Variants in CRMP1 observed in about 807,000 individuals in gnomAD.
The protein encoded by CRMP1 is dihydropyrimidinase-related protein 1.
In CRMP1, 19 loss-of-function variants were observed where a neutral mutation model predicts 68.3. The ratio of observed to expected loss-of-function variants is 0.28; its 90% confidence interval spans 0.19 to 0.41. CRMP1 has a LOEUF of 0.41. Among genes scored for constraint, CRMP1 ranks in the 10% least tolerant of loss-of-function variants. CRMP1 has a pLI of 1.00. For missense variants in CRMP1, 791 were observed against 967.4 expected (o/e 0.82, Z 2.42); for synonymous variants, 439 against 399.6 (o/e 1.10, Z -1.18).
chr4:5,858,847 G>A lies in CRMP1; in HGVS notation c.655+2179C>T, dbSNP rs1713332637. Among the ~76,000 whole-genome samples, 1 of 152,106 alleles carries A rather than the reference G, an allele frequency of 6.6e-6. No individual in the cohort carries two copies. The highest frequency in any genetic ancestry group is 2.4e-5 in the African/African-American group (1 of 41,422). On this transcript the variant is annotated intron_variant, in intron 3 of 13. Coordinates refer to ENST00000324989, the MANE Select transcript of CRMP1 (RefSeq NM_001014809.3). The surrounding 1 kb of genome is among the most constrained non-coding windows in gnomAD (Gnocchi z 5.5). ...CAATCTCGACACCCCTGCACCGTGG[G>A]CCTCCCTGCAGTCTCTGGAATGGGA... is the stretch of plus-strand genomic sequence containing the variant.
rs534788668 is a variant in CRMP1, at chr4:5,841,210, G to A, written c.1153+98C>T. 6.3e-7 allele frequency: 1 copy of A among 1,588,694 alleles called. No individual in the cohort carries two copies. The highest frequency in any genetic ancestry group is 1.3e-5 in the African/African-American group (1 of 74,562). On this transcript the variant is annotated intron_variant, in intron 8 of 13. Transcript: ENST00000324989. The surrounding 1 kb of genome is among the most constrained non-coding windows in gnomAD (Gnocchi z 6.9). ...CCCCGCTCCACCCCTCCCTCCTCCG[G>A]CTGCCTGTCTGAGTTCGGGAGGGAG...
rs888401830 is a variant in CRMP1, at chr4:5,854,069, G to A, written c.820+2074C>T. ...CTACAAACTCCACTGCCACTCCAGA[G>A]ACCCTCCCATCTCAGTGAGGGGCGT... On this transcript the variant is annotated intron_variant, in intron 4 of 13. Coordinates refer to ENST00000324989, the MANE Select transcript of CRMP1 (RefSeq NM_001014809.3). This position sits in a 1 kb window ranked among gnomAD's most constrained non-coding sequence, Gnocchi z 4.0. 6.6e-6 allele frequency among the ~76,000 whole-genome samples: 1 copy of A among 152,178 alleles called. No individual in the cohort carries two copies. The highest frequency in any genetic ancestry group is 1.5e-5 in the Non-Finnish European group (1 of 68,032).
chr4:5,856,028 C>T, intron 4 of CRMP1, 115 bp downstream of exon 4: 10 of 1,236,596 alleles, frequency 8.1e-6, no homozygotes, highest in Non-Finnish European at 1.1e-5. Context: ...CAGAGTGCAG[C>T]TCATAATCAG....
At chr4:5,837,918 A>G (rs1720838147) in intron 9 of CRMP1, among the ~76,000 whole-genome samples, 1 of 152,126 alleles carries the variant, frequency 6.6e-6, no homozygotes, top group African/African-American at 2.4e-5. Context: ...TCAGAAAGAG[A>G]GAGCTTCTGC....
intron 3 of CRMP1, 145 bp from the exon 4 acceptor site, chr4:5,856,452 C>G: frequency 1.5e-6 from 1 of 646,310 alleles, no homozygotes; most frequent in Non-Finnish European, 2.5e-6. Context: ...TCACCATTAT[C>G]ACTATGACAG....
At chr4:5,862,316 AC>A (rs749443367) in intron 2 of CRMP1, among the ~76,000 whole-genome samples, 2 of 147,114 alleles carry the variant, frequency 1.4e-5, no homozygotes, top group Admixed American at 1.3e-4. Flanking sequence ...CCAATCCCTT[AC>A]CCCCAGAATG....
rs138204964 is a variant in CRMP1, at chr4:5,825,695, C to G, written c.1804-36G>C. On this transcript the variant is annotated intron_variant, in intron 12 of 13. Coordinates refer to ENST00000324989, the MANE Select transcript of CRMP1 (RefSeq NM_001014809.3). The surrounding 1 kb of genome is among the most constrained non-coding windows in gnomAD (Gnocchi z 4.4). ...GAAGGGAGAGTGTGATTGATCGACA[C>G]TGTGCATGTGTGCCCTTCTGGGCAG... 630 of 1,607,058 alleles carry G rather than the reference C, an allele frequency of 3.9e-4. 1 individual carries two copies. The African/African-American group carries it at 7.3e-3, about 19-fold the overall frequency.
chr4:5,842,377 C>T lies in CRMP1; in HGVS notation c.1032+716G>A, dbSNP rs894550502. On this transcript the variant is annotated intron_variant, in intron 7 of 13. Coordinates refer to ENST00000324989, the MANE Select transcript of CRMP1 (RefSeq NM_001014809.3). The surrounding 1 kb of genome is among the most constrained non-coding windows in gnomAD (Gnocchi z 4.5). Reference sequence around the variant, plus strand: ...CCAGGAAGCGGAGGCTGCAGTGAACCGAGATCATACCACTGCACTGTAGCC... The same window carrying T: ...CCAGGAAGCGGAGGCTGCAGTGAACTGAGATCATACCACTGCACTGTAGCC... Among the ~76,000 whole-genome samples, 2 of 148,328 alleles carry T rather than the reference C, an allele frequency of 1.3e-5. No individual in the cohort carries two copies. The highest frequency in any genetic ancestry group is 3.0e-5 in the Non-Finnish European group (2 of 67,450).
In CRMP1 at chr4:5,888,246, C is replaced by T. The variant is rs575945415; in HGVS notation, c.381+4343G>A. On this transcript the variant is annotated intron_variant, in intron 1 of 13. Coordinates refer to ENST00000324989, the MANE Select transcript of CRMP1 (RefSeq NM_001014809.3). This position sits in a 1 kb window ranked among gnomAD's most constrained non-coding sequence, Gnocchi z 6.4. ...CGCTTACCGTGATGTGCGGGATGCT[C>T]TTCTTGCCCTGGTACGACATGGCCC... 7.0e-6 allele frequency: 9 copies of T among 1,289,176 alleles called. No homozygotes were observed. In the South Asian group the frequency reaches 1.2e-4, roughly 18 times the overall value. The allele number at this position is 1,289,176 out of a possible 1,614,324, so 79.9% of individuals were successfully genotyped here.
chr4:5,883,351 G>A lies in CRMP1; in HGVS notation c.381+9238C>T, dbSNP rs573062971. ...GTCTCATTCTGTCGCCCAGGCTGAA[G>A]TGCAGTGGCATGATCTCAGCTCACT... On this transcript the variant is annotated intron_variant, in intron 1 of 13. Transcript: ENST00000324989. The surrounding 1 kb of genome is among the most constrained non-coding windows in gnomAD (Gnocchi z 4.5). 6.2e-4 allele frequency among the ~76,000 whole-genome samples: 93 copies of A among 150,358 alleles called. No individual in the cohort carries two copies. Among genetic ancestry groups the A allele is most frequent in the Non-Finnish European group, 1.0e-3 (68 of 67,706 alleles).
rs1340027376 is a variant in CRMP1, at chr4:5,890,480, C to T, written c.381+2109G>A. Among the ~76,000 whole-genome samples, 1 of 152,236 alleles carries T rather than the reference C, an allele frequency of 6.6e-6. No individual in the cohort carries two copies. Among genetic ancestry groups the T allele is most frequent in the African/African-American group, 2.4e-5 (1 of 41,470 alleles). On this transcript the variant is annotated intron_variant, in intron 1 of 13. Transcript: ENST00000324989. This position sits in a 1 kb window ranked among gnomAD's most constrained non-coding sequence, Gnocchi z 5.5. ...AAGCCCTGGAGCGGTGAGGCCCGCC[C>T]CGGAACCCGAGCCCACTGTAACCCA...
intron 1 of CRMP1, among the ~76,000 whole-genome samples, chr4:5,867,822 G>T (rs112120248): frequency 6.6e-6 from 1 of 150,944 alleles, no homozygotes; most frequent in African/African-American, 2.4e-5. Flanking sequence ...GTCTAAAAAA[G>T]AGTCTATTTA....
rs2152477812 is a variant in CRMP1 at position 5,890,118 on chromosome 4, A to G, written c.381+2471T>C. On this transcript the variant is annotated intron_variant, in intron 1 of 13. Transcript: ENST00000324989. This position sits in a 1 kb window ranked among gnomAD's most constrained non-coding sequence, Gnocchi z 5.5. ...CCCTGTCAATGACCGGAAATTGCAG[A>G]TGGGGACACTGTCCCTCCCCAACTC... 4.3e-6 allele frequency: 1 copy of G among 230,056 alleles called. No homozygotes were observed. The highest frequency in any genetic ancestry group is 8.3e-6 in the Non-Finnish European group (1 of 119,940). The allele number at this position is 230,056 out of a possible 1,614,324, so 14.3% of individuals were successfully genotyped here.
Position 5,845,016 on chromosome 4 carries a change from C to T in CRMP1, c.964-1855G>A, listed in dbSNP as rs538001317. On this transcript the variant is annotated intron_variant, in intron 6 of 13. Coordinates refer to ENST00000324989, the MANE Select transcript of CRMP1 (RefSeq NM_001014809.3). ...ATTCGTGCGGTGGAATTCTACACAC[C>T]GATGAAATAGAAAAAGCTAGTGCTA... Among the ~76,000 whole-genome samples, 31 of 152,268 alleles carry T rather than the reference C, an allele frequency of 2.0e-4. No individual in the cohort carries two copies. The Middle Eastern group carries it at 0.014, about 67-fold the overall frequency.
intron 11 of CRMP1, among the ~76,000 whole-genome samples, chr4:5,829,515 T>C (rs1720197641): frequency 6.6e-6 from 1 of 152,228 alleles, no homozygotes; most frequent in Non-Finnish European, 1.5e-5. Context: ...ACATACATGG[T>C]TGAAAACAAT....
chr4:5,885,954 TG>T (rs1273577304), intron 1 of CRMP1, among the ~76,000 whole-genome samples: 1 of 152,202 alleles, frequency 6.6e-6, no homozygotes, highest in African/African-American at 2.4e-5. Context: ...CTCACCCATT[TG>T]TTACATGGCA....
chr4:5,862,653 C>A (rs1378166222), intron 2 of CRMP1, among the ~76,000 whole-genome samples: 1 of 152,210 alleles, frequency 6.6e-6, no homozygotes, highest in Non-Finnish European at 1.5e-5. Flanking sequence ...TGGGCACGGT[C>A]CAGGCAGAAG....
rs373581410 is a variant in CRMP1, at chr4:5,859,506, A to G, written c.655+1520T>C. ...TCATGTCCCATGCACTACATGAAGG[A>G]ATCTCATGTACGTCTCCAAACCACC... On this transcript the variant is annotated intron_variant, in intron 3 of 13. Transcript: ENST00000324989. The surrounding 1 kb of genome is among the most constrained non-coding windows in gnomAD (Gnocchi z 5.2). 6.6e-6 allele frequency among the ~76,000 whole-genome samples: 1 copy of G among 152,194 alleles called. No homozygotes were observed. The highest frequency in any genetic ancestry group is 2.4e-5 in the African/African-American group (1 of 41,446).
At position 5,841,825 on chromosome 4, in the gene CRMP1, A is replaced by T. The variant is rs941148857; in HGVS notation, c.1033-397T>A. On this transcript the variant is annotated intron_variant, in intron 7 of 13. Coordinates refer to ENST00000324989, the MANE Select transcript of CRMP1 (RefSeq NM_001014809.3). The surrounding 1 kb of genome is among the most constrained non-coding windows in gnomAD (Gnocchi z 6.9). ...TGTCTGTGTCCCCTGTGTCCAGCAG[A>T]CACCAGGCCCAGGGCATGGGCCCAG... 2.6e-5 allele frequency among the ~76,000 whole-genome samples: 4 copies of T among 152,100 alleles called. No homozygotes were observed. The highest frequency in any genetic ancestry group is 9.7e-5 in the African/African-American group (4 of 41,432).
Sources: allele counts gnomAD v4.1 joint callset (sites outside exome capture counted in the v4.1 genomes callset), GRCh38; gene constraint gnomAD v4.1.1; non-coding constraint Gnocchi (gnomAD v3.1); transcripts MANE v1.5; gene names NCBI Gene and HGNC (gene_info 2026-07-23, HGNC 2026-07-21).